The following THSD7B variants were observed in gnomAD, a reference collection of about 807,000 sequenced individuals.
THSD7B encodes thrombospondin type 1 domain containing 7B, also known as thrombospondin type-1 domain-containing protein 7B.
A neutral mutation model predicts 213.6 loss-of-function variants in THSD7B; 138 were observed. The observed-to-expected ratio is 0.65, with a 90% CI of 0.56 to 0.74. THSD7B has a LOEUF of 0.74. Ranked by LOEUF, THSD7B falls within the 30% of genes least tolerant of loss-of-function variation. THSD7B has a pLI of 0.00. For synonymous variants in THSD7B, 742 were observed against 687.0 expected, an observed-to-expected ratio of 1.08 and a Z score of -1.25; for missense variants, 1,931 against 1,991.5, an observed-to-expected ratio of 0.97 and a Z score of 0.58.
intron 1 of THSD7B, among the ~76,000 whole-genome samples, chr2:136,788,300 A>T (rs544077781): frequency 1.8e-4 from 27 of 152,310 alleles, no homozygotes; most frequent in African/African-American, 6.5e-4. Flanking sequence ...TTCCAATTGG[A>T]GTATGGTTCT....
intron 2 of THSD7B, among the ~76,000 whole-genome samples, chr2:136,991,307 T>TA (rs983371845): frequency 4.0e-5 from 6 of 151,766 alleles, no homozygotes; most frequent in African/African-American, 1.2e-4. Flanking sequence ...TGGAGGGAGG[T>TA]AAAAAAATGC....
intron 5 of THSD7B, among the ~76,000 whole-genome samples, chr2:137,129,587 G>T (rs13392359): frequency 6.6e-6 from 1 of 151,768 alleles, no homozygotes; most frequent in African/African-American, 2.4e-5. Flanking sequence ...CCACAGGCCC[G>T]TGCCACCACA....
chr2:137,327,793 AGCACAATAGCTAAACAG>A (rs1337912359), intron 12 of THSD7B, among the ~76,000 whole-genome samples: 1 of 152,244 alleles, frequency 6.6e-6, no homozygotes, highest in Non-Finnish European at 1.5e-5. Flanking sequence ...CTTTCTTTTT[AGCACAATAGCTAAACAG>A]TATTAATTAA....
intron 12 of THSD7B, among the ~76,000 whole-genome samples, chr2:137,305,671 C>T (rs186330192): frequency 4.0e-4 from 61 of 152,222 alleles, no homozygotes; most frequent in Admixed American, 1.4e-3. Context: ...CTACTACCTT[C>T]CTTACCCCTT....
chr2:137,468,748 T>C (rs1034406440), intron 15 of THSD7B, among the ~76,000 whole-genome samples: 1 of 152,148 alleles, frequency 6.6e-6, no homozygotes, highest in Non-Finnish European at 1.5e-5. Context: ...GATACTTTAT[T>C]TTCAGATTCC....
At chr2:137,340,073 T>C (rs527318807) in intron 12 of THSD7B, among the ~76,000 whole-genome samples, 1 of 152,016 alleles carries the variant, frequency 6.6e-6, no homozygotes, top group East Asian at 1.9e-4. Flanking sequence ...ATATAAAATA[T>C]ATCATTGTGA....
chr2:137,607,326 C>T lies in THSD7B; in HGVS notation c.3424-8849C>T, dbSNP rs1431872139. On this transcript the variant is annotated intron_variant, in intron 17 of 27. Transcript: ENST00000409968. ...CTATTTCTGTCTCTACACAGACCTTCCAAACACAAACATACACACACAACT... is the reference window on the plus strand; with the variant it reads ...CTATTTCTGTCTCTACACAGACCTTTCAAACACAAACATACACACACAACT... Among the ~76,000 whole-genome samples the T allele has an allele frequency of 2.0e-5, 3 of 152,250 alleles. No homozygotes were observed. In the East Asian group the frequency reaches 5.8e-4, roughly 29 times the overall value.
intron 7 of THSD7B, among the ~76,000 whole-genome samples, chr2:137,197,339 G>T (rs1680784791): frequency 6.6e-6 from 1 of 152,092 alleles, no homozygotes; most frequent in African/African-American, 2.4e-5. Context: ...TTGAGGATGT[G>T]CTAAAAGCTA....
intron 7 of THSD7B, among the ~76,000 whole-genome samples, chr2:137,179,601 T>G (rs1680416979): frequency 1.3e-5 from 2 of 152,040 alleles, no homozygotes; most frequent in African/African-American, 4.8e-5. Flanking sequence ...AGAAAGGCCC[T>G]TCTACCCCAT....
chr2:137,200,899 C>A (rs576269768), intron 7 of THSD7B, among the ~76,000 whole-genome samples: 86 of 152,034 alleles, frequency 5.7e-4, no homozygotes, highest in Non-Finnish European at 9.3e-4. Context: ...CAACTCCTGG[C>A]CTCAAGCGAT....
In THSD7B at chr2:137,271,495, T is replaced by TATATATATATATG. The variant is rs1682739563; in HGVS notation, c.2267-1036_2267-1035insATATATATATGAT. Among the ~76,000 whole-genome samples, 15 of 139,736 alleles carry TATATATATATATG rather than the reference T, an allele frequency of 1.1e-4. 1 individual carries two copies. The highest frequency in any genetic ancestry group is 3.6e-4 in the African/African-American group (13 of 36,380). The allele number at this position is 139,736 out of a possible 152,430, so 91.7% of individuals were successfully genotyped here. A position where few individuals can be genotyped will look rare whatever the true frequency, so the allele number is the denominator to read the frequency against. On this transcript the variant is annotated intron_variant, in intron 10 of 27. Coordinates refer to ENST00000409968, the MANE Select transcript of THSD7B (RefSeq NM_001316349.2). ...ATATAATATAAAATCATATATATAT[T>TATATATATATATG]ATTCATTCATATATATATGATTTTT...
Position 137,580,106 on chromosome 2 carries a change from A to C in THSD7B, c.3423+7550A>C, listed in dbSNP as rs1681543660. 3.3e-5 allele frequency among the ~76,000 whole-genome samples: 5 copies of C among 152,268 alleles called. No individual in the cohort carries two copies. The South Asian group carries it at 1.0e-3, about 32-fold the overall frequency. On this transcript the variant is annotated intron_variant, in intron 17 of 27. Transcript: ENST00000409968. Reference sequence around the variant, plus strand: ...ATTTTAATTGTTTGAAAATACATAAACATGTTTTACTTAGTTTTGTATATG... The same window carrying C: ...ATTTTAATTGTTTGAAAATACATAACCATGTTTTACTTAGTTTTGTATATG...
intron 5 of THSD7B, among the ~76,000 whole-genome samples, chr2:137,115,827 A>G (rs186830198): frequency 6.8e-4 from 103 of 152,282 alleles, no homozygotes; most frequent in South Asian, 2.9e-3. Context: ...ACCCAGCAAT[A>G]GTGTGTTTGT....
chr2:136,988,726 C>T (rs1685711711), intron 2 of THSD7B, among the ~76,000 whole-genome samples: 1 of 152,186 alleles, frequency 6.6e-6, no homozygotes, highest in South Asian at 2.1e-4. Flanking sequence ...TTTCTGTTTT[C>T]CATTCAAAAT....
intron 1 of THSD7B, among the ~76,000 whole-genome samples, chr2:136,877,388 T>C (rs1274568750): frequency 6.6e-6 from 1 of 152,190 alleles, no homozygotes; most frequent in Admixed American, 6.5e-5. Context: ...GAATTGTGTC[T>C]AGTAACGCCG....
intron 15 of THSD7B, among the ~76,000 whole-genome samples, chr2:137,543,959 C>T (rs762658826): frequency 1.2e-4 from 18 of 151,720 alleles, no homozygotes; most frequent in African/African-American, 1.9e-4. Context: ...ATGCCTACAA[C>T]ACAGTAAGTG....
At chr2:137,442,588 G>A (rs1315658511) in intron 14 of THSD7B, among the ~76,000 whole-genome samples, 1 of 151,930 alleles carries the variant, frequency 6.6e-6, no homozygotes, top group Non-Finnish European at 1.5e-5. Flanking sequence ...GGTCCTTGTG[G>A]CATAAGGAAA....
intron 12 of THSD7B, among the ~76,000 whole-genome samples, chr2:137,371,716 T>C (rs1007973835): frequency 1.3e-5 from 2 of 152,308 alleles, no homozygotes; most frequent in African/African-American, 4.8e-5. Flanking sequence ...TTTTACTCTA[T>C]GTCTGAAAGA....
At chr2:137,117,206 C>T (rs928099421) in intron 5 of THSD7B, among the ~76,000 whole-genome samples, 1 of 152,050 alleles carries the variant, frequency 6.6e-6, no homozygotes, top group African/African-American at 2.4e-5. Flanking sequence ...CGGGGTTGTT[C>T]GCCCATTACT....
Sources: gnomAD v4.1 joint callset for allele counts (sites outside exome capture counted in the v4.1 genomes callset) on GRCh38, gnomAD v4.1.1 for gene constraint, MANE v1.5 for transcripts, NCBI Gene and HGNC (gene_info 2026-07-23, HGNC 2026-07-21) for gene names.